Variants in MINDY4 observed in about 807,000 individuals in gnomAD.
The protein encoded by MINDY4 is MINDY lysine 48 deubiquitinase 4, also known as probable ubiquitin carboxyl-terminal hydrolase MINDY-4.
A neutral mutation model predicts 87.0 loss-of-function variants in MINDY4; 68 were observed. The observed-to-expected ratio is 0.78, with a 90% confidence interval of 0.64 to 0.96. The LOEUF (loss-of-function observed/expected upper bound fraction) is 0.96, where lower values mean the gene tolerates loss of function less well. Ranked by LOEUF, MINDY4 falls within the 40% of genes least tolerant of loss-of-function variation. MINDY4 has a pLI of 0.00. For missense variants in MINDY4, 919 were observed against 928.2 expected (o/e 0.99, Z 0.13); for synonymous variants, 379 against 363.2 (o/e 1.04, Z -0.50).
intron 7 of MINDY4, among the ~76,000 whole-genome samples, chr7:30,838,039 G>A (rs1174358516): frequency 6.6e-6 from 1 of 152,226 alleles, no homozygotes. Flanking sequence ...CAGAGAGGGG[G>A]TACAGGGAAG....
chr7:30,857,500 T>C (rs1789613760), intron 12 of MINDY4, among the ~76,000 whole-genome samples: 1 of 53,326 alleles, frequency 1.9e-5, no homozygotes, highest in Non-Finnish European at 2.7e-5. Flanking sequence ...TGAGACGGAG[T>C]CTCGCTCTGT....
At chr7:30,853,598 G>A in intron 12 of MINDY4, 139 bp downstream of exon 12, 1 of 770,458 alleles carries the variant, frequency 1.3e-6, no homozygotes, top group Non-Finnish European at 2.2e-6. Flanking sequence ...GAGTAATGCT[G>A]GCCCCTGGTT....
intron 2 of MINDY4, chr7:30,779,494 C>A (rs1270117290): frequency 1.3e-5 from 2 of 152,138 alleles, no homozygotes; most frequent in Non-Finnish European, 2.9e-5. Context: ...GCATTTATCA[C>A]AATTTTTTAA....
chr7:30,864,140 T>A (rs980743959), intron 13 of MINDY4, among the ~76,000 whole-genome samples: 20 of 152,324 alleles, frequency 1.3e-4, no homozygotes, highest in African/African-American at 4.8e-4. Flanking sequence ...CCAAAGGCAG[T>A]CTTGAAAGTC....
intron 5 of MINDY4, among the ~76,000 whole-genome samples, chr7:30,821,219 G>A (rs746208109): frequency 6.6e-5 from 10 of 151,806 alleles, no homozygotes; most frequent in Admixed American, 1.3e-4. Flanking sequence ...TTTTATTGTC[G>A]GTTCTCATTT....
intron 9 of MINDY4, among the ~76,000 whole-genome samples, chr7:30,842,707 G>A (rs1001551036): frequency 6.6e-5 from 10 of 152,276 alleles, no homozygotes; most frequent in African/African-American, 1.7e-4. Context: ...GGCTCAGGGC[G>A]GGCAGCCTGG....
chr7:30,882,138 T>C, intron 15 of MINDY4, 43 bp from the exon 16 acceptor site: 1 of 1,552,732 alleles, frequency 6.4e-7, no homozygotes, highest in Non-Finnish European at 8.8e-7. Flanking sequence ...CGGACCCCTT[T>C]CCCTGGGGAC....
intron 5 of MINDY4, among the ~76,000 whole-genome samples, chr7:30,816,397 C>G (rs1469825777): frequency 6.6e-6 from 1 of 152,164 alleles, no homozygotes; most frequent in Non-Finnish European, 1.5e-5. Flanking sequence ...GATTTCAGAT[C>G]TTGCTCTGGC....
chr7:30,778,917 A>G (rs1046610967), intron 2 of MINDY4, among the ~76,000 whole-genome samples: 7 of 152,200 alleles, frequency 4.6e-5, no homozygotes, highest in Non-Finnish European at 2.9e-5. Flanking sequence ...AAAATTTTCC[A>G]TGCCCTGCTT....
intron 9 of MINDY4, among the ~76,000 whole-genome samples, chr7:30,845,747 T>C (rs1273611170): frequency 6.6e-6 from 1 of 152,166 alleles, no homozygotes; most frequent in East Asian, 1.9e-4. Flanking sequence ...TGAAAGCAGA[T>C]GGAGGATGGG....
chr7:30,789,498 A>G (rs1030028101), intron 4 of MINDY4, among the ~76,000 whole-genome samples: 10 of 152,292 alleles, frequency 6.6e-5, no homozygotes, highest in African/African-American at 2.2e-4. Flanking sequence ...CATATTTACT[A>G]CATCACTTCT....
intron 14 of MINDY4, among the ~76,000 whole-genome samples, chr7:30,872,724 A>G (rs1305234556): frequency 6.6e-6 from 1 of 152,048 alleles, no homozygotes; most frequent in Non-Finnish European, 1.5e-5. Flanking sequence ...CTTTATAGCC[A>G]CCCTTCCCTT....
chr7:30,810,395 C>T (rs1787953343), intron 5 of MINDY4, among the ~76,000 whole-genome samples: 1 of 149,442 alleles, frequency 6.7e-6, no homozygotes, highest in South Asian at 2.1e-4. Context: ...TAAAATATAC[C>T]TTTGGTAAAA....
chr7:30,859,250 C>T lies in MINDY4; in HGVS notation c.1678-7C>T, dbSNP rs1241042779. On this transcript the variant is annotated splice_polypyrimidine_tract_variant and splice_region_variant and intron_variant, in intron 12 of 17. Coordinates refer to ENST00000265299, the MANE Select transcript of MINDY4 (RefSeq NM_032222.3). ...GGATGGAGCTCATTTTTCTCTCCCC[C>T]TCCCAGTTTGAAGTGGGCCCCTATG... 3 of 1,613,744 alleles carry T rather than the reference C, an allele frequency of 1.9e-6. No homozygotes were observed. Among genetic ancestry groups the T allele is most frequent in the South Asian group, 2.2e-5 (2 of 91,068 alleles).
chr7:30,869,408 A>G (rs1352827234), intron 13 of MINDY4, among the ~76,000 whole-genome samples: 1 of 152,198 alleles, frequency 6.6e-6, no homozygotes, highest in East Asian at 1.9e-4. Context: ...TCTGAATCTA[A>G]AAAGATGTTG....
chr7:30,830,418 C>G (rs963236772), intron 6 of MINDY4, among the ~76,000 whole-genome samples: 2 of 152,136 alleles, frequency 1.3e-5, no homozygotes, highest in Non-Finnish European at 2.9e-5. Flanking sequence ...AAAGACATAC[C>G]AGAAACTGAG....
At chr7:30,875,440 T>C in intron 14 of MINDY4, 55 bp from the exon 15 acceptor site, 2 of 1,596,162 alleles carry the variant, frequency 1.3e-6, no homozygotes, top group Non-Finnish European at 1.7e-6. Flanking sequence ...TCCTCTCCAC[T>C]CTTTCAGTAA....
At chr7:30,829,907 C>T (rs1424770637) in intron 6 of MINDY4, among the ~76,000 whole-genome samples, 1 of 152,138 alleles carries the variant, frequency 6.6e-6, no homozygotes, top group Non-Finnish European at 1.5e-5. Context: ...TCAGAAGCAG[C>T]TGTTTGAAGT....
At chr7:30,811,189 C>T (rs1460743055) in intron 5 of MINDY4, among the ~76,000 whole-genome samples, 1 of 151,792 alleles carries the variant, frequency 6.6e-6, no homozygotes. Context: ...CCCAAGTCAA[C>T]GTGTTAACAG....
Sources: gnomAD v4.1 joint callset for allele counts (sites outside exome capture counted in the v4.1 genomes callset) on GRCh38, gnomAD v4.1.1 for gene constraint, MANE v1.5 for transcripts, NCBI Gene and HGNC (gene_info 2026-07-23, HGNC 2026-07-21) for gene names.